The following DENND1A variants were observed in gnomAD, a reference collection of about 807,000 sequenced individuals.
DENND1A encodes DENN domain containing 1A, also known as DENN domain-containing protein 1A.
Under a neutral mutation model 113.7 loss-of-function variants are expected in DENND1A, and 51 were observed. The observed-to-expected ratio is 0.45, with a 90% confidence interval of 0.36 to 0.57. The LOEUF (loss-of-function observed/expected upper bound fraction) is 0.57. Ranked by LOEUF, DENND1A falls within the 20% of genes least tolerant of loss-of-function variation. DENND1A has a pLI of 0.00. For synonymous variants in DENND1A, 565 were observed against 570.8 expected (o/e 0.99, Z 0.14); for missense variants, 1,258 against 1,395.9 (o/e 0.90, Z 1.57).
Position 123,609,420 on chromosome 9 carries a change from A to G in DENND1A, c.765+16T>C. The G allele has an allele frequency of 6.2e-7, 1 of 1,613,590 alleles. No homozygotes were observed. On this transcript the variant is annotated intron_variant, in intron 11 of 23. Coordinates refer to ENST00000394215, the MANE Select transcript of DENND1A (RefSeq NM_001352964.2). Reference sequence around the variant, plus strand: ...CCCCAGGTAGAGCCATCTGGGGAGGAAAGAAGCCAACTTACCTCCATTAAA... The same window carrying G: ...CCCCAGGTAGAGCCATCTGGGGAGGGAAGAAGCCAACTTACCTCCATTAAA...
At chr9:123,390,291 T>A (rs2042772894) in intron 21 of DENND1A, among the ~76,000 whole-genome samples, 1 of 152,232 alleles carries the variant, frequency 6.6e-6, no homozygotes, top group Non-Finnish European at 1.5e-5. Flanking sequence ...ACCCCCACTT[T>A]ACCATCTTCC....
chr9:123,433,921 T>C (rs1267343706), intron 19 of DENND1A, among the ~76,000 whole-genome samples: 3 of 152,082 alleles, frequency 2.0e-5, no homozygotes, highest in Non-Finnish European at 4.4e-5. Context: ...TCCTCTCCAT[T>C]CCCTTCCGGG....
chr9:123,733,978 C>G (rs914173889), intron 5 of DENND1A, among the ~76,000 whole-genome samples: 2 of 151,806 alleles, frequency 1.3e-5, no homozygotes, highest in Non-Finnish European at 2.9e-5. Context: ...TTGTTTGCTT[C>G]TTTTCAAGAC....
At chr9:123,396,868 A>G (rs2043165184) in intron 21 of DENND1A, among the ~76,000 whole-genome samples, 1 of 152,236 alleles carries the variant, frequency 6.6e-6, no homozygotes, top group Non-Finnish European at 1.5e-5. Flanking sequence ...TGGTGAGGGT[A>G]TAAGGTGGTA....
chr9:123,592,768 C>G (rs2059517810), intron 11 of DENND1A, among the ~76,000 whole-genome samples: 1 of 152,116 alleles, frequency 6.6e-6, no homozygotes, highest in Non-Finnish European at 1.5e-5. Context: ...GCCTCCTGAG[C>G]AGCTGGCACT....
chr9:123,539,657 G>A (rs895220430), intron 13 of DENND1A, among the ~76,000 whole-genome samples: 9 of 152,216 alleles, frequency 5.9e-5, no homozygotes, highest in South Asian at 2.1e-4. Context: ...GCCGAGGCAG[G>A]TGGATCATGA....
Position 123,382,364 on chromosome 9 carries a change from G to A in DENND1A, c.2281C>T (p.Pro761Ser). 1 of 1,600,364 alleles carries A rather than the reference G, an allele frequency of 6.2e-7. No individual in the cohort carries two copies. Among genetic ancestry groups the A allele is most frequent in the Non-Finnish European group, 8.5e-7 (1 of 1,173,384 alleles). ...GGGGTCTTCCTGCCTTGGGGCCGGGGGATGGTGATGCTGCCCAGAGTAGGG... is the reference window on the plus strand; with the variant it reads ...GGGGTCTTCCTGCCTTGGGGCCGGGAGATGGTGATGCTGCCCAGAGTAGGG... Reference protein sequence around the residue: ...PTPTLGSITIPRPQGRKTPEL... With the variant: ...PTPTLGSITISRPQGRKTPEL... Residue 761 changes from proline (P) to serine (S), a missense_variant, in exon 24 of 24, where the codon CCC (proline) becomes TCC (serine). Pro to Ser is a moderately conservative substitution (Grantham distance 74). This residue lies in a region of DENND1A where 1,159 missense variants were observed against 1,231.7 expected (regional missense o/e 0.94). Transcript: ENST00000394215.
chr9:123,811,013 C>T (rs1185029500), intron 2 of DENND1A, among the ~76,000 whole-genome samples: 1 of 152,162 alleles, frequency 6.6e-6, no homozygotes, highest in East Asian at 1.9e-4. Context: ...CCCACCTCGG[C>T]CTCCCAAAGT....
intron 9 of DENND1A, among the ~76,000 whole-genome samples, 191 bp downstream of exon 9, chr9:123,651,822 G>A (rs185589193): frequency 6.6e-5 from 10 of 151,052 alleles, no homozygotes; most frequent in East Asian, 5.8e-4. Flanking sequence ...TTGACTGTGC[G>A]ACTACAGGAA....
chr9:123,827,754 C>T (rs1023555666), intron 2 of DENND1A, among the ~76,000 whole-genome samples: 15 of 152,014 alleles, frequency 9.9e-5, no homozygotes, highest in African/African-American at 3.6e-4. Flanking sequence ...ATAATTATAC[C>T]TCATGAGATG....
At chr9:123,928,768 G>A in intron 1 of DENND1A, 1 of 985,422 alleles carries the variant, frequency 1.0e-6, no homozygotes. Context: ...ATAATTATTA[G>A]TTTCACCCTT....
At chr9:123,826,333 G>A (rs1404070647) in intron 2 of DENND1A, among the ~76,000 whole-genome samples, 1 of 152,084 alleles carries the variant, frequency 6.6e-6, no homozygotes, top group Non-Finnish European at 1.5e-5. Context: ...AGCCTGGGAG[G>A]TGGAGGATGC....
chr9:123,760,388 A>AT (rs1291458918), intron 4 of DENND1A, among the ~76,000 whole-genome samples: 1 of 152,236 alleles, frequency 6.6e-6, no homozygotes, highest in Non-Finnish European at 1.5e-5. Flanking sequence ...GCCTGGTCAT[A>AT]TTTAAGGAGA....
At chr9:123,388,860 A>T (rs1452507134) in intron 21 of DENND1A, among the ~76,000 whole-genome samples, 1 of 152,154 alleles carries the variant, frequency 6.6e-6, no homozygotes, top group Non-Finnish European at 1.5e-5. Context: ...ACCAAGAGGC[A>T]CTTTGAGCCT....
At chr9:123,527,526 T>TC (rs1452003334) in intron 13 of DENND1A, among the ~76,000 whole-genome samples, 1 of 152,126 alleles carries the variant, frequency 6.6e-6, no homozygotes, top group African/African-American at 2.4e-5. Flanking sequence ...CTCTCACCTA[T>TC]CCCTGGCTAC....
intron 8 of DENND1A, among the ~76,000 whole-genome samples, chr9:123,652,880 T>C (rs954677428): frequency 6.6e-6 from 1 of 152,198 alleles, no homozygotes; most frequent in Non-Finnish European, 1.5e-5. Flanking sequence ...GTACTATAGA[T>C]TGGTACTCTT....
intron 4 of DENND1A, among the ~76,000 whole-genome samples, chr9:123,761,783 A>G (rs2071063802): frequency 1.3e-5 from 2 of 152,158 alleles, no homozygotes; most frequent in Non-Finnish European, 2.9e-5. Flanking sequence ...AAGGGTTCTG[A>G]ATCTCCAAGG....
intron 2 of DENND1A, among the ~76,000 whole-genome samples, chr9:123,824,189 G>A (rs1838951797): frequency 6.6e-6 from 1 of 152,144 alleles, no homozygotes. Flanking sequence ...CAGGCTCAGA[G>A]AGGTAAAGTA....
chr9:123,429,662 C>G (rs567017550), intron 19 of DENND1A, among the ~76,000 whole-genome samples: 1 of 152,092 alleles, frequency 6.6e-6, no homozygotes, highest in East Asian at 1.9e-4. Flanking sequence ...TGAAAGTAGA[C>G]CCCTTCCTTA....
Sources: allele counts gnomAD v4.1 joint callset (sites outside exome capture counted in the v4.1 genomes callset), GRCh38; gene constraint gnomAD v4.1.1; regional missense constraint gnomAD v4.1.1; transcripts MANE v1.5; gene names NCBI Gene and HGNC (gene_info 2026-07-23, HGNC 2026-07-21).